ELOVL4: variants seen among roughly 807,000 people sequenced by gnomAD.
ELOVL4 encodes the protein ELOVL fatty acid elongase 4.
Under a neutral mutation model 42.1 loss-of-function variants are expected in ELOVL4, and 18 were observed. That is an observed-to-expected ratio of 0.43 (90% CI 0.30 to 0.63). The LOEUF (loss-of-function observed/expected upper bound fraction) is 0.63, where lower values mean the gene tolerates loss of function less well. Among genes scored for constraint, ELOVL4 ranks in the 30% least tolerant of loss-of-function variants. The probability of loss-of-function intolerance (pLI) is 0.15; values close to 1 mark genes in which losing one functional copy is unlikely to be tolerated. For missense variants in ELOVL4, 299 were observed against 376.2 expected (o/e 0.79, Z 1.70); for synonymous variants, 117 against 127.0 (o/e 0.92, Z 0.53).
chr6:79,928,022 T>C lies in ELOVL4; in HGVS notation c.101-1641A>G, dbSNP rs1191377887. 2.0e-5 allele frequency among the ~76,000 whole-genome samples: 3 copies of C among 152,200 alleles called. No homozygotes were observed. The East Asian group carries it at 5.8e-4, about 29-fold the overall frequency. On this transcript the variant is annotated intron_variant, in intron 1 of 5. Coordinates refer to ENST00000369816, the MANE Select transcript of ELOVL4 (RefSeq NM_022726.4). The stretch of plus-strand genomic sequence containing the variant: ...ATGGCATTTTATCATTTTATGTTCA[T>C]TATCATTCTATGACCATATCTTTCT...
Position 79,947,307 on chromosome 6 carries a change from G to A in ELOVL4, c.-28C>T, listed in dbSNP as rs758280970. 1.9e-6 allele frequency: 3 copies of A among 1,558,880 alleles called. No individual in the cohort carries two copies. The highest frequency in any genetic ancestry group is 3.4e-5 in the Admixed American group (2 of 58,832). ...CGGCGATGAGCGGGCGCTGGCGGCA[G>A]GAGAAAGCGGAGACCCAGAGAGAGG... On this transcript the variant is annotated 5_prime_UTR_variant, in exon 1 of 6. Coordinates refer to ENST00000369816, the MANE Select transcript of ELOVL4 (RefSeq NM_022726.4).
chr6:79,930,935 T>C (rs1376634432), intron 1 of ELOVL4, among the ~76,000 whole-genome samples: 1 of 152,174 alleles, frequency 6.6e-6, no homozygotes, highest in East Asian at 1.9e-4. Context: ...GGATTCCATG[T>C]CATTAATTCA....
At chr6:79,925,200 G>T (rs1173222787) in intron 2 of ELOVL4, among the ~76,000 whole-genome samples, 168 bp from the exon 3 acceptor site, 1 of 152,080 alleles carries the variant, frequency 6.6e-6, no homozygotes, top group Non-Finnish European at 1.5e-5. Flanking sequence ...AAGTTACTGT[G>T]CATTAATTTG....
chr6:79,934,532 C>T (rs1774511566), intron 1 of ELOVL4, among the ~76,000 whole-genome samples: 1 of 152,182 alleles, frequency 6.6e-6, no homozygotes, highest in South Asian at 2.1e-4. Context: ...CCCAAATTTA[C>T]ATCTTCACAA....
intron 1 of ELOVL4, among the ~76,000 whole-genome samples, chr6:79,929,066 C>T (rs889915299): frequency 6.7e-6 from 1 of 149,174 alleles, no homozygotes; most frequent in African/African-American, 2.5e-5. Flanking sequence ...CTTAGGAGCA[C>T]AATCTATCTT....
intron 1 of ELOVL4, among the ~76,000 whole-genome samples, chr6:79,930,284 T>C (rs1475097515): frequency 6.6e-6 from 1 of 152,164 alleles, no homozygotes; most frequent in African/African-American, 2.4e-5. Flanking sequence ...AAGGCCACAT[T>C]TTACACCATA....
chr6:79,945,701 C>T (rs1446378006), intron 1 of ELOVL4, among the ~76,000 whole-genome samples: 1 of 151,862 alleles, frequency 6.6e-6, no homozygotes, highest in African/African-American at 2.4e-5. Flanking sequence ...CCTGATGCAA[C>T]GTTTAAAGAA....
intron 1 of ELOVL4, among the ~76,000 whole-genome samples, chr6:79,938,583 T>C (rs1365379321): frequency 2.0e-5 from 3 of 152,244 alleles, no homozygotes; most frequent in Non-Finnish European, 4.4e-5. Flanking sequence ...CACCGTCATA[T>C]GGAAGTTAAC....
In ELOVL4 at chr6:79,915,558, T is replaced by C. The variant is rs114429396; in HGVS notation, c.*1050A>G. On this transcript the variant is annotated 3_prime_UTR_variant, in exon 6 of 6. Coordinates refer to ENST00000369816, the MANE Select transcript of ELOVL4 (RefSeq NM_022726.4). Reference sequence around the variant, plus strand: ...TAGTTTCACAGAAATGTTTGGTGTATGCTATTTGTCATAAAAGCAAAAAAA... The same window carrying C: ...TAGTTTCACAGAAATGTTTGGTGTACGCTATTTGTCATAAAAGCAAAAAAA... 220 of 152,600 alleles carry C rather than the reference T, an allele frequency of 1.4e-3. 1 individual carries two copies. Among genetic ancestry groups the C allele is most frequent in the African/African-American group, 5.1e-3 (211 of 41,584 alleles). The allele number at this position is 152,600 out of a possible 1,614,324, so 9.5% of individuals were successfully genotyped here.
intron 1 of ELOVL4, among the ~76,000 whole-genome samples, chr6:79,945,808 A>C (rs542252533): frequency 1.3e-5 from 2 of 152,114 alleles, no homozygotes; most frequent in East Asian, 1.9e-4. Flanking sequence ...AAAAAAAAAA[A>C]CTGAAGAAAC....
chr6:79,936,247 G>A (rs115902986), intron 1 of ELOVL4, among the ~76,000 whole-genome samples: 196 of 152,282 alleles, frequency 1.3e-3, no homozygotes, highest in African/African-American at 4.7e-3. Flanking sequence ...CAAGAAGTCT[G>A]TACTATACTA....
chr6:79,923,262 TAGAGAGGAGAAG>T (rs1414255268), intron 3 of ELOVL4, among the ~76,000 whole-genome samples: 4 of 152,212 alleles, frequency 2.6e-5, no homozygotes, highest in South Asian at 4.1e-4. Flanking sequence ...CATCCCATAT[TAGAGAGGAGAAG>T]AGAGCACGAG....
chr6:79,930,489 T>A (rs563354138), intron 1 of ELOVL4, among the ~76,000 whole-genome samples: 18 of 152,238 alleles, frequency 1.2e-4, no homozygotes, highest in Admixed American at 2.6e-4. Context: ...GTTATGTTTG[T>A]TTTTCTGCAT....
chr6:79,941,075 T>A (rs1205950233), intron 1 of ELOVL4, among the ~76,000 whole-genome samples: 8 of 152,200 alleles, frequency 5.3e-5, no homozygotes, highest in African/African-American at 9.7e-5. Context: ...TGGAAAAAAA[T>A]TTTATTTACT....
At chr6:79,946,324 A>C (rs556767697) in intron 1 of ELOVL4, among the ~76,000 whole-genome samples, 4 of 152,376 alleles carry the variant, frequency 2.6e-5, no homozygotes, top group South Asian at 4.1e-4. Context: ...ATAATATCAC[A>C]GTTGGACGCT....
chr6:79,945,529 G>A (rs1036168699), intron 1 of ELOVL4, among the ~76,000 whole-genome samples: 1 of 152,138 alleles, frequency 6.6e-6, no homozygotes, highest in African/African-American at 2.4e-5. Context: ...GAAAGCTCCG[G>A]GATAGGATAG....
chr6:79,928,761 A>G (rs1316724699), intron 1 of ELOVL4, among the ~76,000 whole-genome samples: 1 of 124,404 alleles, frequency 8.0e-6, no homozygotes, highest in East Asian at 2.1e-4. Context: ...TTTTTAAGAA[A>G]TGGAGTCTCA....
rs558963688 is a variant in ELOVL4 at position 79,947,124 on chromosome 6, G to A, written c.100+56C>T. On this transcript the variant is annotated intron_variant, in intron 1 of 5. Coordinates refer to ENST00000369816, the MANE Select transcript of ELOVL4 (RefSeq NM_022726.4). ...CCGGGCCCGGGAGCTGCGAGACCAG[G>A]GGCCGGTGACCCCCCGCGGGGGACC... 42 of 1,429,116 alleles carry A rather than the reference G, an allele frequency of 2.9e-5. 1 individual carries two copies. The South Asian group carries it at 4.5e-4, about 15-fold the overall frequency. 88.5% of individuals were successfully genotyped at this position (1,429,116 alleles called of 1,614,324 possible).
intron 1 of ELOVL4, among the ~76,000 whole-genome samples, chr6:79,928,121 A>C (rs972423766): frequency 6.6e-6 from 1 of 152,136 alleles, no homozygotes; most frequent in Non-Finnish European, 1.5e-5. Flanking sequence ...ATAGAAAAAA[A>C]AAGATTTAGA....
Sources: gnomAD v4.1 joint callset for allele counts (sites outside exome capture counted in the v4.1 genomes callset) on GRCh38, gnomAD v4.1.1 for gene constraint, MANE v1.5 for transcripts, NCBI Gene and HGNC (gene_info 2026-07-23, HGNC 2026-07-21) for gene names.